SPNS2: variants seen among roughly 807,000 people sequenced by gnomAD.
The protein encoded by SPNS2 is sphingosine-1-phosphate transporter SPNS2.
SPNS2 carries 37 observed loss-of-function variants against 57.6 expected under a neutral mutation model. That is an observed-to-expected ratio of 0.64 (90% CI 0.49 to 0.85). SPNS2 has a LOEUF of 0.85. Ranked by LOEUF, SPNS2 falls within the 40% of genes least tolerant of loss-of-function variation. SPNS2 has a pLI of 0.00. For missense variants in SPNS2, 831 were observed against 779.1 expected, an observed-to-expected ratio of 1.07 and a Z score of -0.79; for synonymous variants, 440 against 346.9, an observed-to-expected ratio of 1.27 and a Z score of -2.98.
chr17:4,514,570 C>T (rs1244654151), intron 2 of SPNS2, among the ~76,000 whole-genome samples: 1 of 152,200 alleles, frequency 6.6e-6, no homozygotes, highest in Non-Finnish European at 1.5e-5. Flanking sequence ...TCAAGTGAGA[C>T]TTGACTGTTC....
intron 1 of SPNS2, among the ~76,000 whole-genome samples, chr17:4,508,169 C>T (rs571624956): frequency 2.6e-5 from 4 of 152,126 alleles, no homozygotes; most frequent in South Asian, 2.1e-4. Context: ...TCCTGGTAGA[C>T]GCGACTTTGG....
Position 4,507,241 on chromosome 17 carries a change from G to C in SPNS2, c.371-6006G>C, listed in dbSNP as rs564476812. Among the ~76,000 whole-genome samples, 3 of 152,342 alleles carry C rather than the reference G, an allele frequency of 2.0e-5. No homozygotes were observed. The East Asian group carries it at 5.8e-4, about 29-fold the overall frequency. On this transcript the variant is annotated intron_variant, in intron 1 of 12. Coordinates refer to ENST00000329078, the MANE Select transcript of SPNS2 (RefSeq NM_001124758.3). ...GCCAGCACTGAGGCCTCCACATGGG[G>C]ACCTGGGTCCCTCTGAGAGGGACTG...
chr17:4,519,550 C>T (rs968479921), intron 2 of SPNS2, among the ~76,000 whole-genome samples: 3 of 146,796 alleles, frequency 2.0e-5, no homozygotes, highest in African/African-American at 7.6e-5. Flanking sequence ...CGGCCCTGCC[C>T]GCTCGGCCCT....
intron 1 of SPNS2, 145 bp from the exon 2 acceptor site, chr17:4,513,102 C>A: frequency 1.2e-6 from 1 of 828,810 alleles, no homozygotes; most frequent in Non-Finnish European, 1.9e-6. Context: ...CCTGGGAAAC[C>A]TGGGCAGGGT....
rs1345519238 is a variant in SPNS2 at position 4,537,467 on chromosome 17, A to G, written c.*19A>G. ...CCTTTCCCCAGGTGCCATTGGGACA[A>G]TGAAGAACCCACACTCCCACCTCGT... On this transcript the variant is annotated 3_prime_UTR_variant, in exon 13 of 13. Coordinates refer to ENST00000329078, the MANE Select transcript of SPNS2 (RefSeq NM_001124758.3). 1 of 454,746 alleles carries G rather than the reference A, an allele frequency of 2.2e-6. No homozygotes were observed. Among genetic ancestry groups the G allele is most frequent in the Non-Finnish European group, 4.4e-6 (1 of 225,456 alleles). 28.2% of individuals were successfully genotyped at this position (454,746 alleles called of 1,614,324 possible). A position where few individuals can be genotyped will look rare whatever the true frequency, so the allele number is the denominator to read the frequency against.
Position 4,513,296 on chromosome 17 carries a change from C to T in SPNS2, c.420C>T (p.Ala140=), listed in dbSNP as rs773237599. 55 of 1,613,824 alleles carry T rather than the reference C, an allele frequency of 3.4e-5. No individual in the cohort carries two copies. In the Admixed American group the frequency reaches 6.8e-4, roughly 20 times the overall value. The change falls in exon 2 of 13, where the codon GCC becomes GCT. Residue 140 remains alanine, a synonymous_variant. Transcript: ENST00000329078. ...QQHFGVKDRG[A]GLLQSVFICS... ...ACTTTGGGGTCAAGGACCGAGGCGC[C>T]GGCCTGCTGCAGTCAGGTGAGGCCC...
intron 11 of SPNS2, 161 bp from the exon 12 acceptor site, chr17:4,536,730 TCTCTCTCTC>T: frequency 1.5e-6 from 1 of 652,698 alleles, no homozygotes; most frequent in South Asian, 1.8e-5. Context: ...TCTTTACTCC[TCTCTCTCTC>T]CTCTCCCCAC....
At chr17:4,516,328 A>C (rs1809363) in intron 2 of SPNS2, among the ~76,000 whole-genome samples, 1,613 of 119,280 alleles carry the variant, frequency 0.014, 50 homozygotes, top group Middle Eastern at 0.028. Context: ...AAAAAAAAAA[A>C]AAAAAAAAAA....
chr17:4,530,215 C>T (rs949735572), intron 3 of SPNS2, among the ~76,000 whole-genome samples: 2 of 152,200 alleles, frequency 1.3e-5, no homozygotes, highest in Non-Finnish European at 2.9e-5. Context: ...GGCCTAGCCA[C>T]CCGGCTTGGG....
In SPNS2 at chr17:4,499,115, G is replaced by T. The variant is rs1315256980; in HGVS notation, c.68G>T (p.Arg23Leu). Residue 23 changes from arginine to leucine, a missense_variant, in exon 1 of 13, where the codon CGG becomes CTG. Around this residue, in one of 2 missense-constraint regions of SPNS2, gnomAD observed 305 missense variants for 378.3 expected, o/e 0.81. Coordinates refer to ENST00000329078, the MANE Select transcript of SPNS2 (RefSeq NM_001124758.3). The surrounding 1 kb of genome is among the most constrained non-coding windows in gnomAD (Gnocchi z 5.2). ...GAGGAGGAGGAGGCGGACGCGGAGC[G>T]GCGGCGCCGGCGCCGGGGGGCGCAG... ...GAEEEEADAE[R>L]RRRRRGAQRG... The T allele has an allele frequency of 1.8e-6, 2 of 1,104,704 alleles. No individual in the cohort carries two copies. The highest frequency in any genetic ancestry group is 5.3e-5 in the East Asian group (1 of 18,858). The allele number at this position is 1,104,704 out of a possible 1,614,324, so 68.4% of individuals were successfully genotyped here.
intron 2 of SPNS2, among the ~76,000 whole-genome samples, chr17:4,516,112 G>A (rs1178552605): frequency 1.3e-5 from 2 of 152,072 alleles, no homozygotes; most frequent in African/African-American, 2.4e-5. Context: ...TCAGGAGTTC[G>A]AGACCAGCCT....
chr17:4,524,945 C>T (rs896743149), intron 2 of SPNS2, 112 bp from the exon 3 acceptor site: 9 of 1,479,606 alleles, frequency 6.1e-6, no homozygotes, highest in Middle Eastern at 2.1e-4. Flanking sequence ...CTCTGGGCTG[C>T]TTCCTTGGTC....
Position 4,499,657 on chromosome 17 carries a change from C to G in SPNS2, c.370+240C>G. 2.8e-6 allele frequency: 1 copy of G among 362,808 alleles called. No individual in the cohort carries two copies. Among genetic ancestry groups the G allele is most frequent in the Non-Finnish European group, 4.9e-6 (1 of 202,812 alleles). The allele number at this position is 362,808 out of a possible 1,614,324, so 22.5% of individuals were successfully genotyped here. On this transcript the variant is annotated intron_variant, in intron 1 of 12. Coordinates refer to ENST00000329078, the MANE Select transcript of SPNS2 (RefSeq NM_001124758.3). This position sits in a 1 kb window ranked among gnomAD's most constrained non-coding sequence, Gnocchi z 5.2. Reference sequence around the variant, plus strand: ...GCCAAGGGATAGAGGAGTCCCCACCCCTGGAGCAGCCCGCGCGTCCTCTCC... The same window carrying G: ...GCCAAGGGATAGAGGAGTCCCCACCGCTGGAGCAGCCCGCGCGTCCTCTCC...
chr17:4,536,795 C>G (rs758147982), intron 11 of SPNS2, 105 bp from the exon 12 acceptor site: 11 of 948,788 alleles, frequency 1.2e-5, no homozygotes, highest in Non-Finnish European at 1.7e-5. Context: ...GGTCCCTGCC[C>G]AGCACCTCCG....
chr17:4,532,853 A>C, intron 6 of SPNS2, 124 bp from the exon 7 acceptor site: 1 of 1,472,560 alleles, frequency 6.8e-7, no homozygotes, highest in Non-Finnish European at 9.1e-7. Context: ...TGCAGCCTGA[A>C]CCCTCACCCC....
chr17:4,532,740 G>A, intron 6 of SPNS2, 56 bp downstream of exon 6: 2 of 1,583,696 alleles, frequency 1.3e-6, no homozygotes, highest in Non-Finnish European at 1.7e-6. Context: ...GAGATGAGAG[G>A]GCCTGTCCCT....
At chr17:4,537,043 A>AC in intron 12 of SPNS2, 97 bp downstream of exon 12, 1 of 1,297,222 alleles carries the variant, frequency 7.7e-7, no homozygotes. Context: ...GTCACCTCCT[A>AC]CCCCAGCACA....
In SPNS2 at chr17:4,537,999, G is replaced by A. The variant is rs1905959698; in HGVS notation, c.*551G>A. ...GCTCAGCTGGGCCTCGGACCTTGGG[G>A]ATATTGGACGCAACCTGGCAAATGA... On this transcript the variant is annotated 3_prime_UTR_variant, in exon 13 of 13. Coordinates refer to ENST00000329078, the MANE Select transcript of SPNS2 (RefSeq NM_001124758.3). 1 of 353,038 alleles carries A rather than the reference G, an allele frequency of 2.8e-6. No individual in the cohort carries two copies. Among genetic ancestry groups the A allele is most frequent in the South Asian group, 2.1e-5 (1 of 47,234 alleles). The allele number at this position is 353,038 out of a possible 1,614,324, so 21.9% of individuals were successfully genotyped here.
rs747421074 is a variant in SPNS2 at position 4,531,079 on chromosome 17, G to T, written c.752G>T (p.Ser251Ile). ...GSGLGYITGS[S>I]VKQAAGDWHW... is the part of the protein sequence containing the mutation. ...GGCCTGGGCTACATTACTGGCTCCA[G>T]CGTGAAGCAGGCAGCCGGAGACTGG... Residue 251 changes from serine to isoleucine, a missense_variant, in exon 5 of 13, where the codon AGC (serine) becomes ATC (isoleucine). Transcript: ENST00000329078. 1.2e-6 allele frequency: 2 copies of T among 1,614,082 alleles called. No individual in the cohort carries two copies. Among genetic ancestry groups the T allele is most frequent in the Non-Finnish European group, 1.7e-6 (2 of 1,180,002 alleles).
Sources: allele counts gnomAD v4.1 joint callset (sites outside exome capture counted in the v4.1 genomes callset), GRCh38; gene constraint gnomAD v4.1.1; regional missense constraint gnomAD v4.1.1; non-coding constraint Gnocchi (gnomAD v3.1); transcripts MANE v1.5; gene names NCBI Gene and HGNC (gene_info 2026-07-23, HGNC 2026-07-21).